ATXN1: variants seen among roughly 807,000 people sequenced by gnomAD.
ATXN1 encodes the protein ataxin-1.
A neutral mutation model predicts 56.4 loss-of-function variants in ATXN1; 8 were observed. The ratio of observed to expected loss-of-function variants is 0.14; its 90% CI spans 0.08 to 0.26. ATXN1 has a LOEUF of 0.26. Ranked by LOEUF, ATXN1 falls within the 10% of genes least tolerant of loss-of-function variation. ATXN1 has a pLI of 1.00. For missense variants in ATXN1, 987 were observed against 1,106.5 expected (o/e 0.89, Z 1.53); for synonymous variants, 514 against 494.6 (o/e 1.04, Z -0.52).
At chr6:16,428,383 T>C (rs1197012711) in intron 6 of ATXN1, among the ~76,000 whole-genome samples, 1 of 151,974 alleles carries the variant, frequency 6.6e-6, no homozygotes, top group Non-Finnish European at 1.5e-5. Flanking sequence ...CCTCCCAAAG[T>C]GTTGAGATTA....
chr6:16,643,838 C>G (rs147571852), intron 3 of ATXN1, among the ~76,000 whole-genome samples: 2,134 of 152,234 alleles, frequency 0.014, 32 homozygotes, highest in Middle Eastern at 0.027. Flanking sequence ...AAAAAAAAAT[C>G]TGTATCTTCT....
intron 2 of ATXN1, among the ~76,000 whole-genome samples, chr6:16,733,298 T>C (rs979423969): frequency 2.0e-5 from 3 of 152,228 alleles, no homozygotes; most frequent in Non-Finnish European, 4.4e-5. Flanking sequence ...CGGCAGCTCA[T>C]GTCTGTAATC....
At chr6:16,431,053 T>C (rs765158120) in intron 6 of ATXN1, among the ~76,000 whole-genome samples, 1 of 151,978 alleles carries the variant, frequency 6.6e-6, no homozygotes, top group Non-Finnish European at 1.5e-5. Flanking sequence ...GGAATGCACA[T>C]GTACGGTATC....
intron 2 of ATXN1, among the ~76,000 whole-genome samples, chr6:16,710,508 G>A (rs566061837): frequency 1.3e-5 from 2 of 152,042 alleles, no homozygotes; most frequent in Admixed American, 1.3e-4. Flanking sequence ...AAGACAGAGA[G>A]GACTCACGCT....
At chr6:16,388,764 C>T (rs1258411749) in intron 6 of ATXN1, among the ~76,000 whole-genome samples, 1 of 152,208 alleles carries the variant, frequency 6.6e-6, no homozygotes, top group African/African-American at 2.4e-5. Context: ...CATGCCTCTG[C>T]TCATGGGTTA....
At chr6:16,487,174 C>T (rs948023084) in intron 5 of ATXN1, among the ~76,000 whole-genome samples, 2 of 151,992 alleles carry the variant, frequency 1.3e-5, no homozygotes, top group Non-Finnish European at 2.9e-5. Context: ...TTGAGGATGA[C>T]AAGAAACAGA....
chr6:16,470,968 C>A (rs1581785340), intron 6 of ATXN1, among the ~76,000 whole-genome samples: 1 of 152,090 alleles, frequency 6.6e-6, no homozygotes, highest in East Asian at 1.9e-4. Context: ...ACCAAGGTAC[C>A]TAGACTGATG....
chr6:16,741,332 T>C (rs1760333997), intron 2 of ATXN1, among the ~76,000 whole-genome samples: 1 of 152,196 alleles, frequency 6.6e-6, no homozygotes, highest in Non-Finnish European at 1.5e-5. Context: ...CTGTAGTTAC[T>C]AAATCAGAGG....
intron 6 of ATXN1, among the ~76,000 whole-genome samples, chr6:16,411,125 C>CAAAAAAAAAAAAA (rs746717153): frequency 6.2e-5 from 5 of 80,684 alleles, no homozygotes; most frequent in African/African-American, 1.4e-4. Flanking sequence ...ACCTCTGTGT[C>CAAAAAAAAAAAAA]AAAAAAAAAA....
At chr6:16,419,618 C>T (rs375264173) in intron 6 of ATXN1, among the ~76,000 whole-genome samples, 33 of 152,214 alleles carry the variant, frequency 2.2e-4, no homozygotes, top group African/African-American at 7.7e-4. Context: ...CCAGGCTGCA[C>T]CACATCCCAT....
In ATXN1 at chr6:16,326,637, C is replaced by T; in HGVS notation, c.1674G>A (p.Gln558=). 1 of 1,613,890 alleles carries T rather than the reference C, an allele frequency of 6.2e-7. No individual in the cohort carries two copies. The highest frequency in any genetic ancestry group is 1.3e-5 in the African/African-American group (1 of 75,058). The change falls in exon 7 of 8, where the codon CAG becomes CAA. Residue 558 remains glutamine, a synonymous_variant. Coordinates refer to ENST00000436367, the MANE Select transcript of ATXN1 (RefSeq NM_001128164.2). This position sits in a 1 kb window ranked among gnomAD's most constrained non-coding sequence, Gnocchi z 6.6. ...VQAQIHLPVV[Q]SVASPAAAPP... is the part of the protein sequence containing the mutation. ...GAGCCGCCGCCGGGGAGGCCACGGA[C>T]TGCACCACAGGCAGGTGGATCTGGG... is the stretch of plus-strand genomic sequence containing the variant.
intron 6 of ATXN1, among the ~76,000 whole-genome samples, chr6:16,420,990 A>T (rs1461159844): frequency 6.6e-6 from 1 of 152,198 alleles, no homozygotes; most frequent in Non-Finnish European, 1.5e-5. Context: ...TGTGATACAC[A>T]CACATTTACT....
At chr6:16,641,652 C>T (rs1475888851) in intron 3 of ATXN1, among the ~76,000 whole-genome samples, 1 of 152,190 alleles carries the variant, frequency 6.6e-6, no homozygotes, top group Non-Finnish European at 1.5e-5. Context: ...AGATTCATGT[C>T]GTTTTCACGC....
intron 3 of ATXN1, among the ~76,000 whole-genome samples, chr6:16,625,572 A>G (rs1763393553): frequency 6.6e-6 from 1 of 152,140 alleles, no homozygotes; most frequent in Admixed American, 6.6e-5. Context: ...CAATCAGCAT[A>G]CATTTATTCA....
At chr6:16,351,757 G>A (rs963430312) in intron 6 of ATXN1, among the ~76,000 whole-genome samples, 4 of 152,262 alleles carry the variant, frequency 2.6e-5, no homozygotes, top group Non-Finnish European at 4.4e-5. Context: ...TCCAACAGAA[G>A]GGAAACCAGG....
intron 3 of ATXN1, among the ~76,000 whole-genome samples, chr6:16,648,413 T>C (rs539064289): frequency 8.5e-5 from 13 of 152,358 alleles, no homozygotes; most frequent in Non-Finnish European, 1.9e-4. Flanking sequence ...TTAGGATGCT[T>C]CTGAGCCCTG....
chr6:16,718,693 T>C (rs1158795939), intron 2 of ATXN1, among the ~76,000 whole-genome samples: 9 of 152,046 alleles, frequency 5.9e-5, no homozygotes, highest in African/African-American at 2.2e-4. Context: ...CTGCCAAGAG[T>C]TTTAACACTG....
intron 3 of ATXN1, among the ~76,000 whole-genome samples, chr6:16,655,926 C>G (rs1490001723): frequency 6.6e-6 from 1 of 151,364 alleles, no homozygotes; most frequent in Non-Finnish European, 1.5e-5. Context: ...CCCAGCTCTA[C>G]TAAAAATACA....
chr6:16,458,687 C>A (rs532216839), intron 6 of ATXN1, among the ~76,000 whole-genome samples: 10 of 152,218 alleles, frequency 6.6e-5, no homozygotes, highest in African/African-American at 2.4e-4. Flanking sequence ...AGGCCAATCA[C>A]CCAGTAGGGC....
Sources: allele counts gnomAD v4.1 joint callset (sites outside exome capture counted in the v4.1 genomes callset), GRCh38; gene constraint gnomAD v4.1.1; non-coding constraint Gnocchi (gnomAD v3.1); transcripts MANE v1.5; gene names NCBI Gene and HGNC (gene_info 2026-07-23, HGNC 2026-07-21).